Variants in FAXDC2 observed in about 807,000 individuals in gnomAD.
The protein encoded by FAXDC2 is fatty acid hydroxylase domain-containing protein 2.
FAXDC2 carries 41 observed loss-of-function variants against 40.9 expected under a neutral mutation model. The ratio of observed to expected loss-of-function variants is 1.00; its 90% CI spans 0.78 to 1.30. The LOEUF is 1.30. FAXDC2 is among the 50% of genes most tolerant of loss of function. The probability of loss-of-function intolerance (pLI) is 0.00; values close to 1 mark genes in which losing one functional copy is unlikely to be tolerated. For synonymous variants in FAXDC2, 157 were observed against 149.3 expected, an observed-to-expected ratio of 1.05 and a Z score of -0.38; for missense variants, 390 against 408.8, an observed-to-expected ratio of 0.95 and a Z score of 0.40.
rs1286267319 is a variant in FAXDC2 at position 154,823,615 on chromosome 5, G to A, written c.367-23C>T. On this transcript the variant is annotated intron_variant, in intron 5 of 8. Transcript: ENST00000326080. ...CACCTGCCCAAGGGAAGGGAGGAGGGAGATGGATAAGAGTGTGAGAAGTAG... is the reference window on the plus strand; with the variant it reads ...CACCTGCCCAAGGGAAGGGAGGAGGAAGATGGATAAGAGTGTGAGAAGTAG... 1.9e-6 allele frequency: 3 copies of A among 1,599,568 alleles called. 1 individual carries two copies. The South Asian group carries it at 3.3e-5, about 18-fold the overall frequency.
intron 1 of FAXDC2, chr5:154,838,572 A>T (rs1221579065): frequency 4.2e-6 from 1 of 238,914 alleles, no homozygotes; most frequent in Non-Finnish European, 8.1e-6. Flanking sequence ...CCCAGAACTC[A>T]AAGAGTAGTT....
intron 5 of FAXDC2, among the ~76,000 whole-genome samples, chr5:154,826,527 TAAAAAAAAAA>T (rs764669604): frequency 9.8e-6 from 1 of 101,524 alleles, no homozygotes; most frequent in African/African-American, 3.5e-5. Flanking sequence ...AGACTGTCTC[TAAAAAAAAAA>T]AAAAAAAAAG....
chr5:154,850,372 G>A (rs1406920947), intron 1 of FAXDC2, 111 bp downstream of exon 1: 1 of 152,270 alleles, frequency 6.6e-6, no homozygotes, highest in African/African-American at 2.4e-5. Context: ...AAGTAGAGAG[G>A]ACAGGGTGGT....
At chr5:154,831,634 T>C (rs1760194934) in intron 4 of FAXDC2, among the ~76,000 whole-genome samples, 1 of 152,128 alleles carries the variant, frequency 6.6e-6, no homozygotes, top group Non-Finnish European at 1.5e-5. Context: ...CTTTGCTTAA[T>C]TCCATGTCTG....
chr5:154,836,052 A>G (rs1760339709), intron 2 of FAXDC2: 1 of 150,976 alleles, frequency 6.6e-6, no homozygotes. Context: ...CACCATGCCC[A>G]CCTAATGTTT....
intron 4 of FAXDC2, among the ~76,000 whole-genome samples, chr5:154,832,041 T>C (rs944135266): frequency 2.0e-5 from 3 of 152,142 alleles, no homozygotes; most frequent in Non-Finnish European, 4.4e-5. Context: ...AAAAAAGATT[T>C]AAAAATAGTT....
chr5:154,838,678 A>C (rs1760411867), intron 1 of FAXDC2: 1 of 164,472 alleles, frequency 6.1e-6, no homozygotes, highest in African/African-American at 2.4e-5. Flanking sequence ...GGCTCACTGC[A>C]AGCTCTGCCT....
chr5:154,824,079 G>A (rs1478087675), intron 5 of FAXDC2: 5 of 235,150 alleles, frequency 2.1e-5, no homozygotes, highest in Non-Finnish European at 4.2e-5. Flanking sequence ...AGTAGGCCCA[G>A]AGCAAAGAAG....
intron 1 of FAXDC2, chr5:154,839,033 T>C (rs1305021815): frequency 6.6e-6 from 1 of 152,026 alleles, no homozygotes; most frequent in Non-Finnish European, 1.5e-5. Context: ...TCATTAGAAA[T>C]ATGTCTGAGG....
chr5:154,840,634 C>G (rs539837355), intron 1 of FAXDC2, among the ~76,000 whole-genome samples: 1 of 152,188 alleles, frequency 6.6e-6, no homozygotes, highest in African/African-American at 2.4e-5. Context: ...GCTCAAGCCT[C>G]CTAGACTCAT....
At position 154,818,569 on chromosome 5, in the gene FAXDC2, C is replaced by CTT. The variant is rs1329069236; in HGVS notation, c.*1745_*1746dup. 6.6e-6 allele frequency: 1 copy of CTT among 152,170 alleles called. No individual in the cohort carries two copies. The highest frequency in any genetic ancestry group is 2.4e-5 in the African/African-American group (1 of 41,446). 9.4% of individuals were successfully genotyped at this position (152,170 alleles called of 1,614,324 possible). On this transcript the variant is annotated 3_prime_UTR_variant, in exon 9 of 9. Transcript: ENST00000326080. ...ATTTAAGGCCTTTTTTCAGCCTTAA[C>CTT]TTGTATACCAACCTCAAGGATTTTG...
intron 2 of FAXDC2, among the ~76,000 whole-genome samples, chr5:154,836,482 C>T (rs926973920): frequency 6.6e-6 from 1 of 152,178 alleles, no homozygotes; most frequent in Non-Finnish European, 1.5e-5. Flanking sequence ...CCACTCATAT[C>T]CCGTTTCTAA....
intron 1 of FAXDC2, among the ~76,000 whole-genome samples, chr5:154,843,233 C>T (rs1231112626): frequency 6.6e-6 from 1 of 152,144 alleles, no homozygotes. Context: ...TTTGCTATGC[C>T]ATGCCACAGG....
intron 4 of FAXDC2, among the ~76,000 whole-genome samples, chr5:154,834,259 A>C (rs975160334): frequency 6.6e-6 from 1 of 152,098 alleles, no homozygotes; most frequent in Non-Finnish European, 1.5e-5. Flanking sequence ...CTTGCTGTCA[A>C]GCACTGACTG....
intron 1 of FAXDC2, among the ~76,000 whole-genome samples, chr5:154,840,779 G>C (rs535988695): frequency 1.6e-4 from 25 of 152,264 alleles, no homozygotes; most frequent in African/African-American, 6.0e-4. Flanking sequence ...TCAAACTTGT[G>C]AGCTCAAGCG....
chr5:154,827,635 A>C (rs1205844920), intron 5 of FAXDC2, among the ~76,000 whole-genome samples: 3 of 152,030 alleles, frequency 2.0e-5, no homozygotes, highest in Non-Finnish European at 4.4e-5. Context: ...TCCTGGGCTC[A>C]AGCAGTCCTC....
chr5:154,821,679 A>AT (rs1411994379), intron 7 of FAXDC2, among the ~76,000 whole-genome samples: 1 of 152,076 alleles, frequency 6.6e-6, no homozygotes, highest in Non-Finnish European at 1.5e-5. Context: ...AGGTGTGGTG[A>AT]TTCATGCCTG....
chr5:154,822,630 C>G (rs757686225), intron 6 of FAXDC2, 53 bp from the exon 7 acceptor site: 1 of 1,470,936 alleles, frequency 6.8e-7, no homozygotes, highest in Non-Finnish European at 9.5e-7. Flanking sequence ...TCTCCCTCCC[C>G]GACCAGACCA....
chr5:154,820,904 A>G (rs116200142), intron 8 of FAXDC2: 98 of 279,168 alleles, frequency 3.5e-4, no homozygotes, highest in Non-Finnish European at 5.9e-4. Flanking sequence ...TGATTCTGGT[A>G]TAGGAGGTTT....
Sources: allele counts gnomAD v4.1 joint callset (sites outside exome capture counted in the v4.1 genomes callset), GRCh38; gene constraint gnomAD v4.1.1; transcripts MANE v1.5; gene names NCBI Gene and HGNC (gene_info 2026-07-23, HGNC 2026-07-21).